TSPAN2: variants seen among roughly 807,000 people sequenced by gnomAD.
The protein encoded by TSPAN2 is tetraspanin 2, also known as tetraspanin-2.
In TSPAN2, 24 loss-of-function variants were observed where a neutral mutation model predicts 33.3. The observed-to-expected ratio is 0.72, with a 90% CI of 0.52 to 1.01. TSPAN2 has a LOEUF of 1.01. Ranked by LOEUF, TSPAN2 falls within the 50% of genes least tolerant of loss-of-function variation. The probability of loss-of-function intolerance (pLI) is 0.00; values close to 1 mark genes in which losing one functional copy is unlikely to be tolerated. For missense variants in TSPAN2, 278 were observed against 281.3 expected (o/e 0.99, Z 0.08); for synonymous variants, 114 against 104.5 (o/e 1.09, Z -0.56).
chr1:115,081,498 A>T (rs929448773), intron 1 of TSPAN2, among the ~76,000 whole-genome samples: 2 of 152,244 alleles, frequency 1.3e-5, no homozygotes. Context: ...CCCTTAGGGT[A>T]ATAAACACAT....
chr1:115,089,115 C>G (rs912505805), intron 1 of TSPAN2, among the ~76,000 whole-genome samples: 3 of 152,164 alleles, frequency 2.0e-5, no homozygotes, highest in African/African-American at 7.2e-5. Flanking sequence ...GGGGTTCCTT[C>G]CAGGAAAGAG....
chr1:115,057,294 T>A (rs948200003), intron 6 of TSPAN2, among the ~76,000 whole-genome samples: 16 of 152,214 alleles, frequency 1.1e-4, no homozygotes, highest in African/African-American at 3.9e-4. Flanking sequence ...TCTTCTCTGG[T>A]CACCACTCCT....
Position 115,064,737 on chromosome 1 carries a change from C to T in TSPAN2, c.173-2505G>A, listed in dbSNP as rs1647877059. Among the ~76,000 whole-genome samples, 4 of 152,190 alleles carry T rather than the reference C, an allele frequency of 2.6e-5. No individual in the cohort carries two copies. The South Asian group carries it at 8.3e-4, about 32-fold the overall frequency. ...AGAGATATATGCTGGAAACAGGTCTCAGCAAACATCCACAAAGCAACTACA... is the reference window on the plus strand; with the variant it reads ...AGAGATATATGCTGGAAACAGGTCTTAGCAAACATCCACAAAGCAACTACA... On this transcript the variant is annotated intron_variant, in intron 2 of 7. Transcript: ENST00000369516.
In TSPAN2 at chr1:115,057,677, C is replaced by T. The variant is rs1433222573; in HGVS notation, c.445-69G>A. On this transcript the variant is annotated intron_variant, in intron 5 of 7. Coordinates refer to ENST00000369516, the MANE Select transcript of TSPAN2 (RefSeq NM_005725.6). ...AGCAGCTACAAGTCTGGGCACCCTG[C>T]TAAGGACTGGGGTGCCGAGGCGGCA... is the stretch of plus-strand genomic sequence containing the variant. 5 of 1,481,636 alleles carry T rather than the reference C, an allele frequency of 3.4e-6. No homozygotes were observed. In the East Asian group the frequency reaches 9.0e-5, roughly 27 times the overall value. 91.8% of individuals were successfully genotyped at this position (1,481,636 alleles called of 1,614,324 possible).
intron 2 of TSPAN2, among the ~76,000 whole-genome samples, chr1:115,064,586 T>G (rs559708548): frequency 6.6e-6 from 1 of 152,372 alleles, no homozygotes; most frequent in East Asian, 1.9e-4. Context: ...CAAACCTTAT[T>G]CATCCTCTCT....
At chr1:115,051,604 T>A (rs541614864) in intron 7 of TSPAN2, among the ~76,000 whole-genome samples, 35 of 152,322 alleles carry the variant, frequency 2.3e-4, no homozygotes, top group African/African-American at 8.2e-4. Context: ...CATAAACTAC[T>A]GTCAATGCTT....
chr1:115,084,435 G>A (rs1648752052), intron 1 of TSPAN2, among the ~76,000 whole-genome samples: 1 of 152,098 alleles, frequency 6.6e-6, no homozygotes, highest in South Asian at 2.1e-4. Flanking sequence ...GATTTGAACT[G>A]CCACGCTGCA....
At chr1:115,079,949 C>T (rs1487989675) in intron 1 of TSPAN2, among the ~76,000 whole-genome samples, 1 of 152,192 alleles carries the variant, frequency 6.6e-6, no homozygotes, top group East Asian at 1.9e-4. Flanking sequence ...AGGAGTGTTC[C>T]ATTCATCTCT....
Position 115,060,679 on chromosome 1 carries a change from T to C in TSPAN2, c.271-141A>G, listed in dbSNP as rs1006459441. ...ATTCATTCATTCAGCAATTGTTTATTAGGCATTTATTCTGCACCAGGTACT... is the reference window on the plus strand; with the variant it reads ...ATTCATTCATTCAGCAATTGTTTATCAGGCATTTATTCTGCACCAGGTACT... On this transcript the variant is annotated intron_variant, in intron 3 of 7. Transcript: ENST00000369516. The C allele has an allele frequency of 5.9e-6, 4 of 682,464 alleles. No homozygotes were observed. The Admixed American group carries it at 8.0e-5, about 14-fold the overall frequency. 42.3% of individuals were successfully genotyped at this position (682,464 alleles called of 1,614,324 possible).
chr1:115,083,336 C>T (rs1355537886), intron 1 of TSPAN2, among the ~76,000 whole-genome samples: 1 of 152,168 alleles, frequency 6.6e-6, no homozygotes, highest in Non-Finnish European at 1.5e-5. Context: ...ATGCAATGAA[C>T]AATGGACAGG....
rs1477763280 is a variant in TSPAN2, at chr1:115,053,548, T to C, written c.517-86A>G. 15 of 1,139,756 alleles carry C rather than the reference T, an allele frequency of 1.3e-5. No homozygotes were observed. In the African/African-American group the frequency reaches 1.9e-4, roughly 14 times the overall value. 70.6% of individuals were successfully genotyped at this position (1,139,756 alleles called of 1,614,324 possible). On this transcript the variant is annotated intron_variant, in intron 6 of 7. Coordinates refer to ENST00000369516, the MANE Select transcript of TSPAN2 (RefSeq NM_005725.6). ...ATCCTATCCTTTCCATCTCTACAGT[T>C]CATTCTGTGAGAGTTAATCCATGCC...
intron 2 of TSPAN2, among the ~76,000 whole-genome samples, chr1:115,062,590 A>C (rs1647779208): frequency 6.6e-6 from 1 of 152,248 alleles, no homozygotes; most frequent in Non-Finnish European, 1.5e-5. Context: ...AGAAAAGGAC[A>C]GAAATGCTCT....
chr1:115,084,956 T>C (rs979234652), intron 1 of TSPAN2, among the ~76,000 whole-genome samples: 10 of 152,234 alleles, frequency 6.6e-5, no homozygotes, highest in African/African-American at 2.4e-4. Flanking sequence ...ACAGCTCTGC[T>C]TCCTGTGGGT....
intron 1 of TSPAN2, among the ~76,000 whole-genome samples, chr1:115,073,446 G>A (rs528129407): frequency 2.4e-4 from 36 of 152,266 alleles, no homozygotes; most frequent in African/African-American, 8.2e-4. Context: ...CCAAGAGCAC[G>A]ATGAACTCCA....
At chr1:115,051,778 G>A (rs1675323325) in intron 7 of TSPAN2, among the ~76,000 whole-genome samples, 1 of 152,198 alleles carries the variant, frequency 6.6e-6, no homozygotes, top group African/African-American at 2.4e-5. Flanking sequence ...AGGATTTCAA[G>A]CTTCTGGATG....
intron 1 of TSPAN2, among the ~76,000 whole-genome samples, chr1:115,083,595 C>T (rs1342489918): frequency 1.3e-5 from 2 of 152,140 alleles, no homozygotes; most frequent in Non-Finnish European, 2.9e-5. Flanking sequence ...CACCTGGGAG[C>T]TTGTTAGAAA....
chr1:115,067,943 G>A (rs1043033758), intron 2 of TSPAN2, among the ~76,000 whole-genome samples: 1 of 152,208 alleles, frequency 6.6e-6, no homozygotes, highest in Non-Finnish European at 1.5e-5. Context: ...AGATGGGCAG[G>A]TTGCTGGAAT....
chr1:115,086,908 ATT>A lies in TSPAN2; in HGVS notation c.69+2454_69+2455del, dbSNP rs570494138. 1.4e-3 allele frequency among the ~76,000 whole-genome samples: 207 copies of A among 152,148 alleles called. 1 individual carries two copies. The highest frequency in any genetic ancestry group is 4.7e-3 in the African/African-American group (196 of 41,512). On this transcript the variant is annotated intron_variant, in intron 1 of 7. Coordinates refer to ENST00000369516, the MANE Select transcript of TSPAN2 (RefSeq NM_005725.6). ...TCAGCAAGTCTGGGATGAGCTGAGA[ATT>A]TTGTTTGTTTGTTTGTTTGTTTTTG...
At chr1:115,064,544 A>G (rs1190070370) in intron 2 of TSPAN2, among the ~76,000 whole-genome samples, 1 of 152,142 alleles carries the variant, frequency 6.6e-6, no homozygotes, top group Non-Finnish European at 1.5e-5. Flanking sequence ...GCAGGTTCTC[A>G]TATTAGTCTC....
Sources: allele counts gnomAD v4.1 joint callset (sites outside exome capture counted in the v4.1 genomes callset), GRCh38; gene constraint gnomAD v4.1.1; transcripts MANE v1.5; gene names NCBI Gene and HGNC (gene_info 2026-07-23, HGNC 2026-07-21).